SYNDIG1: variants seen among roughly 807,000 people sequenced by gnomAD.
SYNDIG1 encodes the protein synapse differentiation inducing 1.
SYNDIG1 carries 9 observed loss-of-function variants against 19.4 expected under a neutral mutation model. The ratio of observed to expected loss-of-function variants is 0.46; its 90% CI spans 0.28 to 0.81. The LOEUF (loss-of-function observed/expected upper bound fraction) is 0.81. SYNDIG1 is among the 30% of genes least tolerant of loss of function. SYNDIG1 has a pLI of 0.12. For synonymous variants in SYNDIG1, 141 were observed against 145.9 expected, an observed-to-expected ratio of 0.97 and a Z score of 0.24; for missense variants, 311 against 343.3, an observed-to-expected ratio of 0.91 and a Z score of 0.74.
intron 1 of SYNDIG1, among the ~76,000 whole-genome samples, chr20:24,488,309 T>G (rs1174465088): frequency 6.6e-6 from 1 of 152,218 alleles, no homozygotes; most frequent in Non-Finnish European, 1.5e-5. Context: ...GCATTCACAG[T>G]GAACCAGACG....
chr20:24,659,044 T>A (rs1362562258), intron 3 of SYNDIG1, among the ~76,000 whole-genome samples: 1 of 151,882 alleles, frequency 6.6e-6, no homozygotes, highest in East Asian at 1.9e-4. Flanking sequence ...CCCCCTCCTT[T>A]CCTGGGTTAC....
At chr20:24,664,601 C>T (rs2059631379) in intron 3 of SYNDIG1, among the ~76,000 whole-genome samples, 1 of 152,194 alleles carries the variant, frequency 6.6e-6, no homozygotes, top group Admixed American at 6.5e-5. Flanking sequence ...GTTTCCATCT[C>T]CTCGTGACCC....
At chr20:24,500,518 C>CTTT (rs11313105) in intron 1 of SYNDIG1, among the ~76,000 whole-genome samples, 1 of 113,548 alleles carries the variant, frequency 8.8e-6, no homozygotes, top group Non-Finnish European at 1.9e-5. Context: ...TTCTTTCTTT[C>CTTT]TTTCTTTCTT....
intron 3 of SYNDIG1, among the ~76,000 whole-genome samples, chr20:24,605,689 A>G (rs2058747765): frequency 6.6e-6 from 1 of 152,138 alleles, no homozygotes. Flanking sequence ...AGTGGATTGG[A>G]TAGATTTTTT....
intron 1 of SYNDIG1, among the ~76,000 whole-genome samples, chr20:24,485,796 C>A (rs138298646): frequency 2.6e-4 from 39 of 152,278 alleles, no homozygotes; most frequent in African/African-American, 9.4e-4. Context: ...CTCAGCAGCT[C>A]AGTGCGGTTG....
intron 3 of SYNDIG1, among the ~76,000 whole-genome samples, chr20:24,627,062 C>T (rs569287398): frequency 1.4e-4 from 20 of 147,318 alleles, no homozygotes; most frequent in African/African-American, 4.8e-4. Context: ...AGAGGGAGAC[C>T]GTGGAAAGAG....
At chr20:24,663,066 C>T (rs2059617745) in intron 3 of SYNDIG1, among the ~76,000 whole-genome samples, 1 of 152,258 alleles carries the variant, frequency 6.6e-6, no homozygotes, top group Non-Finnish European at 1.5e-5. Flanking sequence ...AGGTTCATAT[C>T]AGGTAAATCA....
At chr20:24,471,150 GCCTCATAGC>G (rs1207857373) in intron 1 of SYNDIG1, among the ~76,000 whole-genome samples, 1 of 152,118 alleles carries the variant, frequency 6.6e-6, no homozygotes, top group East Asian at 1.9e-4. Flanking sequence ...GGGGTGAGCA[GCCTCATAGC>G]CCCCAGAGCC....
At chr20:24,476,898 G>A (rs1021341169) in intron 1 of SYNDIG1, among the ~76,000 whole-genome samples, 2 of 151,862 alleles carry the variant, frequency 1.3e-5, no homozygotes, top group East Asian at 2.0e-4. Context: ...ATCTGCCATG[G>A]CCCTGCTCCT....
intron 1 of SYNDIG1, among the ~76,000 whole-genome samples, chr20:24,489,578 C>T (rs1433131574): frequency 1.3e-5 from 2 of 152,060 alleles, no homozygotes; most frequent in Non-Finnish European, 2.9e-5. Context: ...CACAGGCACA[C>T]ACCACAGTCA....
At chr20:24,634,343 T>TA (rs891432414) in intron 3 of SYNDIG1, among the ~76,000 whole-genome samples, 1 of 152,236 alleles carries the variant, frequency 6.6e-6, no homozygotes, top group Non-Finnish European at 1.5e-5. Context: ...ATGTTTTCCC[T>TA]AAAAATGGAC....
At chr20:24,513,609 G>T (rs2146481612) in intron 1 of SYNDIG1, among the ~76,000 whole-genome samples, 1 of 152,330 alleles carries the variant, frequency 6.6e-6, no homozygotes, top group Non-Finnish European at 1.5e-5. Flanking sequence ...AAGCCTCCAA[G>T]AAATATGGGA....
chr20:24,470,535 G>T (rs903503275), intron 1 of SYNDIG1, among the ~76,000 whole-genome samples: 1 of 152,154 alleles, frequency 6.6e-6, no homozygotes, highest in Non-Finnish European at 1.5e-5. Flanking sequence ...TTTGAATCTC[G>T]CTTTTTCCTA....
At chr20:24,559,576 G>A (rs762150974) in intron 2 of SYNDIG1, among the ~76,000 whole-genome samples, 20 of 152,156 alleles carry the variant, frequency 1.3e-4, no homozygotes, top group African/African-American at 1.9e-4. Context: ...AGGGCTCTCC[G>A]TCTTTTCCTG....
At chr20:24,545,378 C>T (rs1220382783) in intron 2 of SYNDIG1, among the ~76,000 whole-genome samples, 1 of 152,124 alleles carries the variant, frequency 6.6e-6, no homozygotes, top group African/African-American at 2.4e-5. Context: ...TCAGAAGCCT[C>T]TGCCCTGTCT....
intron 2 of SYNDIG1, among the ~76,000 whole-genome samples, chr20:24,566,068 G>A (rs558246662): frequency 3.3e-5 from 5 of 152,340 alleles, no homozygotes; most frequent in African/African-American, 7.2e-5. Flanking sequence ...CCAGGGAGGA[G>A]CAGTGAGTGA....
At chr20:24,493,410 A>G (rs985111538) in intron 1 of SYNDIG1, among the ~76,000 whole-genome samples, 9 of 152,100 alleles carry the variant, frequency 5.9e-5, no homozygotes, top group African/African-American at 2.2e-4. Flanking sequence ...GGGCACACAC[A>G]TGCTTGGCAC....
intron 1 of SYNDIG1, among the ~76,000 whole-genome samples, chr20:24,509,146 G>T (rs1378756777): frequency 6.6e-6 from 1 of 152,194 alleles, no homozygotes; most frequent in African/African-American, 2.4e-5. Context: ...ACAACCTGAT[G>T]GGTTATGGGC....
chr20:24,582,720 C>A (rs1381494662), intron 2 of SYNDIG1, among the ~76,000 whole-genome samples: 1 of 152,130 alleles, frequency 6.6e-6, no homozygotes, highest in African/African-American at 2.4e-5. Context: ...ATTTTCATAT[C>A]TCCTTACTGT....
Sources: allele counts gnomAD v4.1 joint callset (sites outside exome capture counted in the v4.1 genomes callset), GRCh38; gene constraint gnomAD v4.1.1; transcripts MANE v1.5; gene names NCBI Gene and HGNC (gene_info 2026-07-23, HGNC 2026-07-21).